The following KCNIP1 variants were observed in gnomAD, a reference collection of about 807,000 sequenced individuals.
KCNIP1 encodes the protein potassium voltage-gated channel interacting protein 1.
A neutral mutation model predicts 33.0 loss-of-function variants in KCNIP1; 18 were observed. The observed-to-expected ratio is 0.55, with a 90% CI of 0.38 to 0.81. The LOEUF (loss-of-function observed/expected upper bound fraction) is 0.81. Ranked by LOEUF, KCNIP1 falls within the 30% of genes least tolerant of loss-of-function variation. The pLI, the probability that KCNIP1 is intolerant of heterozygous loss-of-function variation, is 0.00. For missense variants in KCNIP1, 238 were observed against 271.6 expected (o/e 0.88, Z 0.87); for synonymous variants, 93 against 98.3 (o/e 0.95, Z 0.32).
intron 1 of KCNIP1, among the ~76,000 whole-genome samples, chr5:170,618,837 C>G (rs1759499213): frequency 1.3e-5 from 2 of 152,162 alleles, no homozygotes; most frequent in African/African-American, 4.8e-5. Context: ...TGTCCTCTTT[C>G]TTACTTCATT....
intron 2 of KCNIP1, 103 bp downstream of exon 2, chr5:170,718,985 C>A: frequency 6.9e-7 from 1 of 1,455,664 alleles, no homozygotes; most frequent in Non-Finnish European, 9.3e-7. Context: ...ATATGTGAGG[C>A]TGTACAAGGA....
intron 1 of KCNIP1, among the ~76,000 whole-genome samples, chr5:170,600,290 A>G (rs116545385): frequency 0.013 from 2,024 of 152,308 alleles, 45 homozygotes; most frequent in African/African-American, 0.044. Context: ...TTTTTGGCCA[A>G]TGCCACACGG....
chr5:170,466,890 T>C (rs1371324906), intron 1 of KCNIP1, among the ~76,000 whole-genome samples: 1 of 152,182 alleles, frequency 6.6e-6, no homozygotes, highest in Non-Finnish European at 1.5e-5. Context: ...ATTCAGTCTA[T>C]AGCAGGAGGA....
intron 1 of KCNIP1, among the ~76,000 whole-genome samples, chr5:170,660,222 C>T (rs958338034): frequency 2.0e-5 from 3 of 152,160 alleles, no homozygotes; most frequent in Admixed American, 6.5e-5. Context: ...AAACTGTTGG[C>T]TGTAAAACCA....
At chr5:170,385,563 C>G in intron 1 of KCNIP1, 1 of 1,129,370 alleles carries the variant, frequency 8.9e-7, no homozygotes, top group African/African-American at 1.5e-5. Context: ...AGGTACTCAA[C>G]TATTAATATC....
chr5:170,453,922 T>A (rs764339325), intron 1 of KCNIP1, among the ~76,000 whole-genome samples: 1 of 152,184 alleles, frequency 6.6e-6, no homozygotes, highest in Non-Finnish European at 1.5e-5. Context: ...TCTCCCCAAG[T>A]TGAGCCTGAC....
At chr5:170,581,167 C>G (rs1757781936) in intron 1 of KCNIP1, among the ~76,000 whole-genome samples, 1 of 152,220 alleles carries the variant, frequency 6.6e-6, no homozygotes, top group Non-Finnish European at 1.5e-5. Flanking sequence ...CAACCCCCAT[C>G]AGGTGATCTG....
intron 1 of KCNIP1, among the ~76,000 whole-genome samples, chr5:170,662,674 T>C (rs1437427699): frequency 6.6e-6 from 1 of 152,188 alleles, no homozygotes; most frequent in East Asian, 1.9e-4. Flanking sequence ...TTAGGTTCTG[T>C]TGTCACAAGA....
At chr5:170,719,089 C>T (rs1205167173) in intron 2 of KCNIP1, among the ~76,000 whole-genome samples, 3 of 152,062 alleles carry the variant, frequency 2.0e-5, no homozygotes, top group South Asian at 4.2e-4. Context: ...AGACAGTAAA[C>T]GGCCAACTGC....
At chr5:170,501,627 A>C (rs781458387), upstream of KCNIP1, among the ~76,000 whole-genome samples, 3 of 152,248 alleles carry the variant, frequency 2.0e-5, no homozygotes, top group Non-Finnish European at 4.4e-5. Flanking sequence ...AGAGGATGAC[A>C]TTCTAGCCTT....
chr5:170,485,422 C>A (rs545227413), intron 1 of KCNIP1, among the ~76,000 whole-genome samples: 1 of 152,336 alleles, frequency 6.6e-6, no homozygotes, highest in Non-Finnish European at 1.5e-5. Flanking sequence ...GCTCTGGGCC[C>A]AGGGTGTGGA....
At chr5:170,692,498 C>T (rs749379425) in intron 1 of KCNIP1, among the ~76,000 whole-genome samples, 1 of 152,206 alleles carries the variant, frequency 6.6e-6, no homozygotes, top group African/African-American at 2.4e-5. Flanking sequence ...TGCAACAATA[C>T]ATTGCAACAT....
intron 1 of KCNIP1, among the ~76,000 whole-genome samples, chr5:170,530,153 G>C (rs1319945965): frequency 6.6e-6 from 1 of 152,136 alleles, no homozygotes; most frequent in Non-Finnish European, 1.5e-5. Flanking sequence ...TACACTGCCT[G>C]GCACAGAGTA....
Position 170,735,976 on chromosome 5 carries a change from G to T in KCNIP1, c.*170G>T. The T allele has an allele frequency of 1.7e-6, 1 of 588,974 alleles. No homozygotes were observed. Among genetic ancestry groups the T allele is most frequent in the Non-Finnish European group, 3.0e-6 (1 of 331,898 alleles). The allele number at this position is 588,974 out of a possible 1,614,324, so 36.5% of individuals were successfully genotyped here. ...CTTTCTATGGAACCCAGCATCATGT[G>T]GCTCAGTCTCTGATTGCCAACTCTT... On this transcript the variant is annotated 3_prime_UTR_variant, in exon 8 of 8. Coordinates refer to ENST00000328939, the MANE Select transcript of KCNIP1 (RefSeq NM_014592.4).
intron 1 of KCNIP1, among the ~76,000 whole-genome samples, chr5:170,415,946 G>A (rs1198919193): frequency 1.3e-5 from 2 of 152,168 alleles, no homozygotes; most frequent in Non-Finnish European, 2.9e-5. Flanking sequence ...CTCTCAGGCA[G>A]GAACAGGTTT....
intron 1 of KCNIP1, among the ~76,000 whole-genome samples, chr5:170,654,216 G>C (rs1340112504): frequency 6.6e-6 from 1 of 152,158 alleles, no homozygotes; most frequent in East Asian, 1.9e-4. Context: ...GAGCTCTTCT[G>C]CTGTGGAGGA....
chr5:170,533,170 T>C (rs1755844446), intron 1 of KCNIP1, among the ~76,000 whole-genome samples: 1 of 150,542 alleles, frequency 6.6e-6, no homozygotes, highest in Non-Finnish European at 1.5e-5. Flanking sequence ...GCAGTCTGAC[T>C]CAGGGAAAGG....
At chr5:170,486,612 C>T (rs1035842858) in intron 1 of KCNIP1, among the ~76,000 whole-genome samples, 31 of 152,238 alleles carry the variant, frequency 2.0e-4, no homozygotes, top group Non-Finnish European at 3.7e-4. Flanking sequence ...CTGCCAGTTT[C>T]TGGATTTGGT....
exon 1 of KCNIP1, chr5:170,353,847 G>A: frequency 6.2e-7 from 1 of 1,609,650 alleles, no homozygotes; most frequent in East Asian, 2.2e-5. Flanking sequence ...TCTGGGTGCT[G>A]ACAGCAGAGC....
Sources: allele counts gnomAD v4.1 joint callset (sites outside exome capture counted in the v4.1 genomes callset), GRCh38; gene constraint gnomAD v4.1.1; transcripts MANE v1.5; gene names NCBI Gene and HGNC (gene_info 2026-07-23, HGNC 2026-07-21).